The following LRRTM3 variants were observed in gnomAD, a reference collection of about 807,000 sequenced individuals.
LRRTM3 encodes leucine-rich repeat transmembrane neuronal protein 3.
In LRRTM3, 24 loss-of-function variants were observed where a neutral mutation model predicts 44.7. The observed-to-expected ratio is 0.54, with a 90% CI of 0.39 to 0.76. The LOEUF (loss-of-function observed/expected upper bound fraction) is 0.76. Among genes scored for constraint, LRRTM3 ranks in the 30% least tolerant of loss-of-function variants. The probability of loss-of-function intolerance (pLI) is 0.00; values close to 1 mark genes in which losing one functional copy is unlikely to be tolerated. For synonymous variants in LRRTM3, 277 were observed against 278.7 expected, an observed-to-expected ratio of 0.99 and a Z score of 0.06; for missense variants, 587 against 702.2, an observed-to-expected ratio of 0.84 and a Z score of 1.85.
intron 2 of LRRTM3, among the ~76,000 whole-genome samples, chr10:67,064,334 C>T (rs73256450): frequency 0.063 from 9,579 of 152,068 alleles, 362 homozygotes; most frequent in South Asian, 0.19. Flanking sequence ...CTACAATGAT[C>T]CATCCCTTGA....
intron 2 of LRRTM3, among the ~76,000 whole-genome samples, chr10:67,087,965 G>T (rs182361043): frequency 1.0e-3 from 157 of 151,960 alleles, no homozygotes; most frequent in African/African-American, 3.3e-3. Context: ...TGCTCAAAAA[G>T]GTTATGGTCT....
At chr10:66,980,685 T>C (rs148191367) in intron 2 of LRRTM3, among the ~76,000 whole-genome samples, 2,146 of 152,280 alleles carry the variant, frequency 0.014, 49 homozygotes, top group African/African-American at 0.048. Flanking sequence ...CAGTTTTCAG[T>C]ACAAAATTGT....
At chr10:66,947,344 C>T (rs1848326144) in intron 2 of LRRTM3, among the ~76,000 whole-genome samples, 2 of 152,182 alleles carry the variant, frequency 1.3e-5, no homozygotes. Context: ...AGAGCTATCA[C>T]ACTCAATGCT....
At chr10:66,970,139 C>A (rs1259542444) in intron 2 of LRRTM3, among the ~76,000 whole-genome samples, 1 of 152,058 alleles carries the variant, frequency 6.6e-6, no homozygotes, top group East Asian at 1.9e-4. Context: ...ATCTTTAAAC[C>A]CACACAAAAA....
At position 67,016,931 on chromosome 10, in the gene LRRTM3, G is replaced by A. The variant is rs72804685; in HGVS notation, c.1537-80656G>A. On this transcript the variant is annotated intron_variant, in intron 2 of 2. Transcript: ENST00000361320. Reference sequence around the variant, plus strand: ...TCAAAATAAGTTTTACCATCAAAATGTCTGGTTCAAAATAGGGGATTTCTA... The same window carrying A: ...TCAAAATAAGTTTTACCATCAAAATATCTGGTTCAAAATAGGGGATTTCTA... 7.1e-3 allele frequency among the ~76,000 whole-genome samples: 1,081 copies of A among 152,218 alleles called. 13 individuals carry two copies. The highest frequency in any genetic ancestry group is 6.8e-3 in the Middle Eastern group (2 of 294).
At chr10:66,986,781 A>G (rs1047862090) in intron 2 of LRRTM3, among the ~76,000 whole-genome samples, 1 of 152,178 alleles carries the variant, frequency 6.6e-6, no homozygotes, top group African/African-American at 2.4e-5. Context: ...CATGGCAGTT[A>G]AATAACACAT....
intron 2 of LRRTM3, among the ~76,000 whole-genome samples, chr10:66,946,156 T>C (rs750086324): frequency 5.3e-5 from 8 of 152,078 alleles, no homozygotes; most frequent in Non-Finnish European, 1.0e-4. Flanking sequence ...ATCTGCAAAG[T>C]GCAATAAAAT....
Position 67,046,219 on chromosome 10 carries a change from G to A in LRRTM3, c.1537-51368G>A, listed in dbSNP as rs576488990. 1.1e-4 allele frequency among the ~76,000 whole-genome samples: 16 copies of A among 152,254 alleles called. No individual in the cohort carries two copies. In the South Asian group the frequency reaches 1.5e-3, roughly 14 times the overall value. On this transcript the variant is annotated intron_variant, in intron 2 of 2. Coordinates refer to ENST00000361320, the MANE Select transcript of LRRTM3 (RefSeq NM_178011.5). ...AATGGGGTTTCAATTTAAAGACCCC[G>A]TGTCATCTTATTAGCCTATCATCTG...
chr10:67,062,270 T>C (rs1564864331), intron 2 of LRRTM3, among the ~76,000 whole-genome samples: 2 of 152,210 alleles, frequency 1.3e-5, no homozygotes, highest in African/African-American at 2.4e-5. Flanking sequence ...ATATTCTTTA[T>C]TGTAACTTAT....
rs1173562157 is a variant in LRRTM3, at chr10:67,097,575, A to G, written c.1537-12A>G. On this transcript the variant is annotated splice_polypyrimidine_tract_variant and intron_variant, in intron 2 of 2. Coordinates refer to ENST00000361320, the MANE Select transcript of LRRTM3 (RefSeq NM_178011.5). Reference sequence around the variant, plus strand: ...TTTTATAACTGACTTTTCTCATGTCATTTTTCCCCAGATACCTTTATCAAT... The same window carrying G: ...TTTTATAACTGACTTTTCTCATGTCGTTTTTCCCCAGATACCTTTATCAAT... The G allele has an allele frequency of 4.3e-6, 7 of 1,610,412 alleles. No individual in the cohort carries two copies. The highest frequency in any genetic ancestry group is 1.3e-5 in the African/African-American group (1 of 74,684).
chr10:66,953,055 AAAC>A, intron 2 of LRRTM3, among the ~76,000 whole-genome samples: 1 of 152,200 alleles, frequency 6.6e-6, no homozygotes, highest in Admixed American at 6.5e-5. Context: ...GCCTACTGAG[AAAC>A]AACTCTAGTG....
At chr10:66,945,219 G>T (rs186155811) in intron 2 of LRRTM3, among the ~76,000 whole-genome samples, 1 of 152,286 alleles carries the variant, frequency 6.6e-6, no homozygotes, top group African/African-American at 2.4e-5. Flanking sequence ...TTAAAGTTCT[G>T]TTGTATAGTG....
At chr10:67,012,679 C>T (rs1852412258) in intron 2 of LRRTM3, among the ~76,000 whole-genome samples, 1 of 152,034 alleles carries the variant, frequency 6.6e-6, no homozygotes, top group Admixed American at 6.6e-5. Flanking sequence ...CATTGGTTGT[C>T]CTCTTAACTT....
At chr10:67,062,978 T>C (rs529460030) in intron 2 of LRRTM3, among the ~76,000 whole-genome samples, 2 of 152,272 alleles carry the variant, frequency 1.3e-5, no homozygotes, top group South Asian at 2.1e-4. Context: ...GTTTTGTTTT[T>C]TTTTCTGATC....
At chr10:67,032,123 T>C (rs1853765070) in intron 2 of LRRTM3, among the ~76,000 whole-genome samples, 1 of 152,186 alleles carries the variant, frequency 6.6e-6, no homozygotes, top group Non-Finnish European at 1.5e-5. Flanking sequence ...CAAGGTTTGT[T>C]TCCACTTTAT....
chr10:67,069,907 A>T (rs964474066), intron 2 of LRRTM3, among the ~76,000 whole-genome samples: 7 of 152,328 alleles, frequency 4.6e-5, no homozygotes, highest in African/African-American at 1.7e-4. Flanking sequence ...ACATGTGTAC[A>T]TATTTCTCCT....
chr10:66,975,712 G>A (rs564321699), intron 2 of LRRTM3, among the ~76,000 whole-genome samples: 3 of 152,220 alleles, frequency 2.0e-5, no homozygotes, highest in East Asian at 3.9e-4. Context: ...AGCTAAGTTC[G>A]TCCTATCTGC....
intron 2 of LRRTM3, among the ~76,000 whole-genome samples, chr10:67,089,715 ATATGTGTG>A (rs931250680): frequency 4.3e-5 from 4 of 93,264 alleles, no homozygotes; most frequent in African/African-American, 1.7e-4. Context: ...GTGTATATAC[ATATGTGTG>A]TGTGTGTGTG....
At position 66,989,279 on chromosome 10, in the gene LRRTM3, A is replaced by G. The variant is rs535550791; in HGVS notation, c.1536+60827A>G. Among the ~76,000 whole-genome samples, 9 of 152,274 alleles carry G rather than the reference A, an allele frequency of 5.9e-5. No homozygotes were observed. The East Asian group carries it at 7.7e-4, about 13-fold the overall frequency. ...TTAATTAATCAACTGTTATTTTAGA[A>G]TACAGCATAAAGTTCTCACATATTT... On this transcript the variant is annotated intron_variant, in intron 2 of 2. Coordinates refer to ENST00000361320, the MANE Select transcript of LRRTM3 (RefSeq NM_178011.5).
Sources: gnomAD v4.1 joint callset for allele counts (sites outside exome capture counted in the v4.1 genomes callset) on GRCh38, gnomAD v4.1.1 for gene constraint, MANE v1.5 for transcripts, NCBI Gene and HGNC (gene_info 2026-07-23, HGNC 2026-07-21) for gene names.